The following AR variants were observed in gnomAD, a reference collection of about 807,000 sequenced individuals.
AR encodes the protein dihydrotestosterone receptor.
AR carries 8 observed loss-of-function variants against 53.9 expected under a neutral mutation model. That is an observed-to-expected ratio of 0.15 (90% CI 0.09 to 0.27). The LOEUF (loss-of-function observed/expected upper bound fraction) is 0.27. Among genes scored for constraint, AR ranks in the 10% least tolerant of loss-of-function variants. The pLI is 1.00. For synonymous variants in AR, 359 were observed against 316.4 expected (o/e 1.13, Z -1.43); for missense variants, 639 against 742.5 (o/e 0.86, Z 1.62).
chrX:67,650,563 C>T (rs763904751), intron 2 of AR, among the ~76,000 whole-genome samples: 8 of 112,272 alleles, frequency 7.1e-5, no homozygotes, highest in South Asian at 3.7e-4. Context: ...CTGAATTCTG[C>T]GAGAAGCCAT....
In AR at chrX:67,594,885, G is replaced by C. The variant is rs1923007973; in HGVS notation, c.1616+48123G>C. Among the ~76,000 whole-genome samples the C allele has an allele frequency of 3.6e-5, 4 of 111,639 alleles. No individual in the cohort carries two copies. In the South Asian group the frequency reaches 1.5e-3, roughly 42 times the overall value. On this transcript the variant is annotated intron_variant, in intron 1 of 7. Transcript: ENST00000374690. ...GATCACTTGAGCCCAGGAGGTTGAG[G>C]TTGCAGTGAGCCAAGATCACAGGAC...
At chrX:67,686,173 C>T (rs2147498142) in intron 3 of AR, 47 bp downstream of exon 3, 1 of 1,137,131 alleles carries the variant, frequency 8.8e-7, no homozygotes, top group Non-Finnish European at 1.2e-6. Flanking sequence ...TCTCCCCCTT[C>T]TCCCTCATTT....
At chrX:67,551,026 C>A (rs1929980502) in intron 1 of AR, among the ~76,000 whole-genome samples, 2 of 50,546 alleles carry the variant, frequency 4.0e-5, no homozygotes, top group Non-Finnish European at 6.1e-5. Context: ...TTTTTTTTTA[C>A]CTTGAGGTTA....
chrX:67,668,756 C>T (rs1387920308), intron 2 of AR, among the ~76,000 whole-genome samples: 1 of 111,028 alleles, frequency 9.0e-6, no homozygotes, highest in Non-Finnish European at 1.9e-5. Context: ...TCTGTTCAGG[C>T]TTTAGATTTT....
chrX:67,659,737 A>AT (rs1926780623), intron 2 of AR, among the ~76,000 whole-genome samples: 1 of 111,584 alleles, frequency 9.0e-6, no homozygotes, highest in Non-Finnish European at 1.9e-5. Context: ...ATACCCAGTA[A>AT]TGGGATGGCT....
At chrX:67,636,083 A>C (rs1307411977) in intron 1 of AR, among the ~76,000 whole-genome samples, 1 of 111,925 alleles carries the variant, frequency 8.9e-6, no homozygotes, top group Non-Finnish European at 1.9e-5. Context: ...AAGAATCAAC[A>C]ACATTAACAT....
intron 1 of AR, among the ~76,000 whole-genome samples, chrX:67,601,597 G>A (rs1923360566): frequency 8.9e-6 from 1 of 111,740 alleles, no homozygotes; most frequent in Non-Finnish European, 1.9e-5. Context: ...ATGTATGATA[G>A]GTACTTCTAC....
At chrX:67,666,668 A>G (rs1376847562) in intron 2 of AR, among the ~76,000 whole-genome samples, 2 of 111,558 alleles carry the variant, frequency 1.8e-5, no homozygotes, top group Non-Finnish European at 3.8e-5. Context: ...TGACTTACAT[A>G]TCCACCAACA....
intron 1 of AR, among the ~76,000 whole-genome samples, chrX:67,563,646 G>A (rs967995985): frequency 1.8e-5 from 2 of 111,836 alleles, no homozygotes; most frequent in Admixed American, 9.5e-5. Context: ...GAATGTAAGC[G>A]TGAGGTCATT....
chrX:67,568,040 C>G (rs1261525448), intron 1 of AR, among the ~76,000 whole-genome samples: 2 of 111,168 alleles, frequency 1.8e-5, no homozygotes, highest in Admixed American at 1.9e-4. Context: ...CAGGGGTCAG[C>G]AGATGGCAGG....
intron 3 of AR, among the ~76,000 whole-genome samples, chrX:67,697,714 T>C (rs2076026695): frequency 9.0e-6 from 1 of 111,676 alleles, no homozygotes; most frequent in South Asian, 3.8e-4. Context: ...AGTCCAGTCA[T>C]ATCATCACCA....
chrX:67,553,055 T>C (rs1930058575), intron 1 of AR, among the ~76,000 whole-genome samples: 1 of 111,934 alleles, frequency 8.9e-6, no homozygotes, highest in African/African-American at 3.2e-5. Context: ...AAAAATGTTT[T>C]TAAGTTTGAT....
rs374879558 is a variant in AR, at chrX:67,691,164, G to A, written c.1885+5038G>A. On this transcript the variant is annotated intron_variant, in intron 3 of 7. Coordinates refer to ENST00000374690, the MANE Select transcript of AR (RefSeq NM_000044.6). ...AAGGCCAGCTAGAGAGAAATTTCTA[G>A]CATCAAATTTTGCTAAACACCTAGG... is the stretch of plus-strand genomic sequence containing the variant. 1.9e-4 allele frequency among the ~76,000 whole-genome samples: 21 copies of A among 112,033 alleles called. 1 individual carries two copies. In the South Asian group the frequency reaches 6.7e-3, roughly 36 times the overall value.
chrX:67,689,188 C>T (rs2075982639), intron 3 of AR, among the ~76,000 whole-genome samples: 4 of 111,235 alleles, frequency 3.6e-5, no homozygotes. Context: ...GATTGTTTTT[C>T]AGCCCTTTCT....
intron 1 of AR, among the ~76,000 whole-genome samples, chrX:67,637,173 T>A (rs2147425117): frequency 9.0e-6 from 1 of 110,638 alleles, no homozygotes; most frequent in South Asian, 3.9e-4. Context: ...ATATTGTTTT[T>A]TTTTTATTTT....
At chrX:67,587,891 C>G (rs1922631778) in intron 1 of AR, among the ~76,000 whole-genome samples, 1 of 110,893 alleles carries the variant, frequency 9.0e-6, no homozygotes, top group Admixed American at 9.5e-5. Flanking sequence ...TTCCCCTTCC[C>G]CAGTCCTGTC....
At chrX:67,696,187 G>T (rs890226314) in intron 3 of AR, 14 of 687,839 alleles carry the variant, frequency 2.0e-5, no homozygotes, top group Middle Eastern at 8.8e-4. Context: ...TCCAGGTCAT[G>T]CTGACCTGTT....
At chrX:67,621,028 G>C (rs1924348070) in intron 1 of AR, among the ~76,000 whole-genome samples, 2 of 112,026 alleles carry the variant, frequency 1.8e-5, no homozygotes, top group South Asian at 7.4e-4. Context: ...ACTGATGATG[G>C]TTGTTATATA....
intron 2 of AR, among the ~76,000 whole-genome samples, chrX:67,663,910 A>G (rs760239022): frequency 1.8e-5 from 2 of 111,928 alleles, no homozygotes; most frequent in East Asian, 5.6e-4. Context: ...AGTTGATCTA[A>G]TCGGCTACTG....
Sources: gnomAD v4.1 joint callset for allele counts (sites outside exome capture counted in the v4.1 genomes callset) on GRCh38, gnomAD v4.1.1 for gene constraint, MANE v1.5 for transcripts, NCBI Gene and HGNC (gene_info 2026-07-23, HGNC 2026-07-21) for gene names.